The following EFCC1 variants were observed in gnomAD, a reference collection of about 807,000 sequenced individuals.
EFCC1 encodes EF-hand and coiled-coil domain containing 1.
A neutral mutation model predicts 52.1 loss-of-function variants in EFCC1; 50 were observed. The ratio of observed to expected loss-of-function variants is 0.96; its 90% CI spans 0.76 to 1.21. The LOEUF is 1.21. Ranked by LOEUF, EFCC1 falls within the 50% of genes most tolerant of loss-of-function variation. The pLI is 0.00. For synonymous variants in EFCC1, 399 were observed against 396.5 expected (o/e 1.01, Z -0.08); for missense variants, 837 against 867.3 (o/e 0.97, Z 0.44).
chr3:129,040,628 T>C lies in EFCC1; in HGVS notation c.*780T>C, dbSNP rs1946409777. On this transcript the variant is annotated 3_prime_UTR_variant, in exon 8 of 8. Transcript: ENST00000683648. This position sits in a 1 kb window ranked among gnomAD's most constrained non-coding sequence, Gnocchi z 4.4. ...GGTTGCAGGAAGGAGTAGGCCAAGA[T>C]ACCCAGTCTCACCTAACTTAGACTG... The C allele has an allele frequency of 2.0e-5, 3 of 152,272 alleles. No homozygotes were observed. The highest frequency in any genetic ancestry group is 1.3e-4 in the Admixed American group (2 of 15,286). 9.4% of individuals were successfully genotyped at this position (152,272 alleles called of 1,614,324 possible).
chr3:129,009,022 G>A (rs1418565527), intron 2 of EFCC1, among the ~76,000 whole-genome samples: 1 of 123,298 alleles, frequency 8.1e-6, no homozygotes, highest in African/African-American at 3.0e-5. Flanking sequence ...GGGGGGCGGG[G>A]CGGGAATCTG....
intron 7 of EFCC1, 50 bp from the exon 8 acceptor site, chr3:129,039,662 T>G (rs1307632544): frequency 6.5e-7 from 1 of 1,529,326 alleles, no homozygotes; most frequent in Admixed American, 1.9e-5. Context: ...GCTCTGTGGG[T>G]GAAGGTGAGC....
At chr3:129,007,582 G>A (rs75727104) in intron 2 of EFCC1, among the ~76,000 whole-genome samples, 5 of 152,298 alleles carry the variant, frequency 3.3e-5, no homozygotes, top group East Asian at 1.9e-4. Context: ...ACTGACTCAC[G>A]CTGATCTTCT....
intron 2 of EFCC1, among the ~76,000 whole-genome samples, chr3:129,026,070 A>G (rs189668505): frequency 6.6e-6 from 1 of 152,330 alleles, no homozygotes; most frequent in East Asian, 1.9e-4. Context: ...CTGTAAATGG[A>G]GATAATGACC....
chr3:129,017,702 A>C (rs1360973555), intron 2 of EFCC1, among the ~76,000 whole-genome samples: 1 of 152,070 alleles, frequency 6.6e-6, no homozygotes, highest in Non-Finnish European at 1.5e-5. Flanking sequence ...CCAGAAAGCT[A>C]TCTGCATTTC....
At chr3:129,022,018 C>T (rs1386609033) in intron 2 of EFCC1, among the ~76,000 whole-genome samples, 1 of 152,176 alleles carries the variant, frequency 6.6e-6, no homozygotes, top group Non-Finnish European at 1.5e-5. Flanking sequence ...GCAGAGGTGG[C>T]CGGGGCAGGC....
Position 129,001,915 on chromosome 3 carries a change from C to A in EFCC1, c.287C>A (p.Ala96Asp), listed in dbSNP as rs1490090860. The A allele has an allele frequency of 6.5e-7, 1 of 1,538,902 alleles. No homozygotes were observed. The highest frequency in any genetic ancestry group is 8.8e-7 in the Non-Finnish European group (1 of 1,141,188). The change falls in exon 1 of 8, where the codon GCC becomes GAC. Residue 96 changes from alanine (A) to aspartate (D), a missense_variant. Transcript: ENST00000683648. ...LGLRAEGATT[A>D]GQAAGDGNSR... is the part of the protein sequence containing the mutation. ...CTGCGCGCGGAGGGGGCCACCACGG[C>A]CGGGCAGGCAGCAGGTGACGGGAAC... is the stretch of plus-strand genomic sequence containing the variant.
At chr3:129,024,044 C>T (rs1945985806) in intron 2 of EFCC1, among the ~76,000 whole-genome samples, 1 of 152,192 alleles carries the variant, frequency 6.6e-6, no homozygotes, top group Non-Finnish European at 1.5e-5. Flanking sequence ...CCCTAAATCC[C>T]ATTCATTCAT....
chr3:129,018,095 A>G (rs1309858746), intron 2 of EFCC1, among the ~76,000 whole-genome samples: 3 of 152,200 alleles, frequency 2.0e-5, no homozygotes, highest in Admixed American at 1.3e-4. Flanking sequence ...ATCCCCAGCC[A>G]GATGCTTGGT....
intron 6 of EFCC1, among the ~76,000 whole-genome samples, 194 bp from the exon 7 acceptor site, chr3:129,038,637 G>A (rs1035331267): frequency 1.3e-5 from 2 of 152,118 alleles, no homozygotes; most frequent in Non-Finnish European, 2.9e-5. Context: ...TGCCCCACTC[G>A]CCCTCCAAGA....
rs748862254 is a variant in EFCC1, at chr3:129,001,637, G to A, written c.9G>A (p.Pro3=). 3 of 1,374,998 alleles carry A rather than the reference G, an allele frequency of 2.2e-6. No individual in the cohort carries two copies. Among genetic ancestry groups the A allele is most frequent in the Non-Finnish European group, 2.8e-6 (3 of 1,068,776 alleles). 85.2% of individuals were successfully genotyped at this position (1,374,998 alleles called of 1,614,324 possible). A position where few individuals can be genotyped will look rare whatever the true frequency, so the allele number is the denominator to read the frequency against. The change falls in exon 1 of 8, where the codon CCG becomes CCA. Residue 3 remains proline (P), a synonymous_variant. Coordinates refer to ENST00000683648, the MANE Select transcript of EFCC1 (RefSeq NM_001377500.1). The part of the protein sequence containing the change: ME[P]VSTGAEAGME... ...AGGCGCGCGGCGCAGCGATGGAGCC[G>A]GTCAGCACGGGCGCGGAGGCCGGCA...
rs987797347 is a variant in EFCC1, at chr3:129,003,913, G to T, written c.816G>T (p.Gly272=). 2 of 1,344,538 alleles carry T rather than the reference G, an allele frequency of 1.5e-6. No individual in the cohort carries two copies. The highest frequency in any genetic ancestry group is 1.5e-5 in the African/African-American group (1 of 64,768). The allele number at this position is 1,344,538 out of a possible 1,614,324, so 83.3% of individuals were successfully genotyped here. The part of the protein sequence containing the change: ...GALAAAEARA[G]RLRRGQAEVR... ...TGGCTGCGGCGGAGGCCCGCGCTGG[G>T]CGGCTGCGCCGTGGCCAGGCCGAGG... The change falls in exon 2 of 8, where the codon GGG becomes GGT. Residue 272 remains glycine (G), a synonymous_variant. Transcript: ENST00000683648.
At chr3:129,006,871 C>A (rs1339468620) in intron 2 of EFCC1, among the ~76,000 whole-genome samples, 1 of 152,092 alleles carries the variant, frequency 6.6e-6, no homozygotes, top group Non-Finnish European at 1.5e-5. Context: ...GTGGACTGAC[C>A]TGCCCCAAAG....
chr3:129,039,690 C>T (rs369345924), intron 7 of EFCC1, 22 bp from the exon 8 acceptor site: 5 of 1,575,852 alleles, frequency 3.2e-6, no homozygotes, highest in Non-Finnish European at 4.3e-6. Flanking sequence ...TCCTGCCCTC[C>T]CTGCCTGCTG....
chr3:129,002,174 C>A lies in EFCC1; in HGVS notation c.546C>A (p.Arg182=). ...TCCGCCTGCGCCGTCCGCGCCGCCG[C>A]CGCCGCCCGCCCTGCGCGCCTGGCC... ...TQIRLRRPRR[R]RRPPCAPGPD... The change falls in exon 1 of 8, where the codon CGC becomes CGA. Residue 182 remains arginine, a synonymous_variant. Transcript: ENST00000683648. 1 of 1,479,046 alleles carries A rather than the reference C, an allele frequency of 6.8e-7. No homozygotes were observed. The highest frequency in any genetic ancestry group is 8.9e-7 in the Non-Finnish European group (1 of 1,125,960). The allele number at this position is 1,479,046 out of a possible 1,614,324, so 91.6% of individuals were successfully genotyped here.
intron 2 of EFCC1, among the ~76,000 whole-genome samples, chr3:129,017,485 T>C (rs1353001430): frequency 6.6e-6 from 1 of 152,256 alleles, no homozygotes; most frequent in East Asian, 1.9e-4. Flanking sequence ...TGGCCGGGTC[T>C]GGACCCCCTG....
At chr3:129,022,456 A>G (rs914098754) in intron 2 of EFCC1, among the ~76,000 whole-genome samples, 5 of 152,198 alleles carry the variant, frequency 3.3e-5, no homozygotes, top group Non-Finnish European at 1.5e-5. Context: ...AGGAGTGGCC[A>G]GGACAGCGGA....
chr3:129,013,048 A>T (rs1258948724), intron 2 of EFCC1, among the ~76,000 whole-genome samples: 1 of 152,208 alleles, frequency 6.6e-6, no homozygotes, highest in Non-Finnish European at 1.5e-5. Flanking sequence ...TCCTGGGTGG[A>T]GGCCTGGCTT....
At chr3:129,029,238 A>G (rs1015863010) in intron 2 of EFCC1, among the ~76,000 whole-genome samples, 3 of 152,200 alleles carry the variant, frequency 2.0e-5, no homozygotes, top group Non-Finnish European at 4.4e-5. Context: ...TAAGTGGCCC[A>G]TTTATTAGTG....
Sources: gnomAD v4.1 joint callset for allele counts (sites outside exome capture counted in the v4.1 genomes callset) on GRCh38, gnomAD v4.1.1 for gene constraint, Gnocchi (gnomAD v3.1) non-coding constraint, MANE v1.5 for transcripts, NCBI Gene and HGNC (gene_info 2026-07-23, HGNC 2026-07-21) for gene names.